BAG3: variants seen among roughly 807,000 people sequenced by gnomAD.
The protein encoded by BAG3 is BAG family molecular chaperone regulator 3.
BAG3 carries 14 observed loss-of-function variants against 40.5 expected under a neutral mutation model. That is an observed-to-expected ratio of 0.35 (90% CI 0.23 to 0.54). The LOEUF (loss-of-function observed/expected upper bound fraction) is 0.54, where lower values mean the gene tolerates loss of function less well. Ranked by LOEUF, BAG3 falls within the 20% of genes least tolerant of loss-of-function variation. The pLI is 0.91. For synonymous variants in BAG3, 302 were observed against 307.8 expected (o/e 0.98, Z 0.20); for missense variants, 788 against 758.6 (o/e 1.04, Z -0.46).
rs1485004397 is a variant in BAG3 at position 119,669,984 on chromosome 10, A to T, written c.314A>T (p.Asn105Ile). 1 of 1,614,190 alleles carries T rather than the reference A, an allele frequency of 6.2e-7. No homozygotes were observed. The highest frequency in any genetic ancestry group is 1.7e-5 in the Admixed American group (1 of 60,028). The change falls in exon 2 of 4, where the codon AAC becomes ATC. Residue 105 changes from asparagine to isoleucine, a missense_variant. Coordinates refer to ENST00000369085, the MANE Select transcript of BAG3 (RefSeq NM_004281.4). ...PIPVLHEGAE[N>I]RQVHPFHVYP... ...CCTGTGCTCCATGAAGGCGCTGAGA[A>T]CCGGCAGGTGCACCCTTTCCATGTC...
intron 1 of BAG3, among the ~76,000 whole-genome samples, chr10:119,664,578 C>T (rs150854052): frequency 2.8e-3 from 428 of 152,196 alleles, no homozygotes; most frequent in African/African-American, 9.9e-3. Context: ...GCTTGGTCAC[C>T]GTGGTTGCAT....
rs1480749856 is a variant in BAG3, at chr10:119,677,723, A to C, written c.*441A>C. 1 of 201,046 alleles carries C rather than the reference A, an allele frequency of 5.0e-6. No homozygotes were observed. The highest frequency in any genetic ancestry group is 1.0e-5 in the Non-Finnish European group (1 of 96,510). 12.5% of individuals were successfully genotyped at this position (201,046 alleles called of 1,614,324 possible). A position where few individuals can be genotyped will look rare whatever the true frequency, so the allele number is the denominator to read the frequency against. On this transcript the variant is annotated 3_prime_UTR_variant, in exon 4 of 4. Coordinates refer to ENST00000369085, the MANE Select transcript of BAG3 (RefSeq NM_004281.4). ...AATTAAAATACCTGACTTTAGAGAG[A>C]GTAAAATGTGCCAGGAGCCATAGGA...
At chr10:119,673,777 C>T (rs576331767) in intron 3 of BAG3, among the ~76,000 whole-genome samples, 2 of 152,350 alleles carry the variant, frequency 1.3e-5, no homozygotes, top group Middle Eastern at 3.4e-3. Context: ...TATACTTCAT[C>T]CAGTTCACTG....
In BAG3 at chr10:119,676,681, C is replaced by A. The variant is rs2134068908; in HGVS notation, c.1127C>A (p.Pro376His). 1.9e-6 allele frequency: 3 copies of A among 1,614,158 alleles called. No individual in the cohort carries two copies. Among genetic ancestry groups the A allele is most frequent in the Non-Finnish European group, 1.7e-6 (2 of 1,180,032 alleles). The change falls in exon 4 of 4, where the codon CCC (proline) becomes CAC (histidine). Residue 376 changes from proline to histidine, a missense_variant. Coordinates refer to ENST00000369085, the MANE Select transcript of BAG3 (RefSeq NM_004281.4). ...CCTGCTCCAGTTCCTTGTCCTCCTC[C>A]CAGCCCTGGCCCTTCTGCTGTCCCC... ...VPPAPVPCPP[P>H]SPGPSAVPSS...
chr10:119,670,077 C>T lies in BAG3; in HGVS notation c.407C>T (p.Ser136Leu). ...AAAAAPQRSQ[S>L]PLRGMPETTQ... is the part of the protein sequence containing the mutation. The stretch of plus-strand genomic sequence containing the variant: ...GCAGCGGCTCCTCAGAGGTCCCAGT[C>T]ACCTCTGCGGGGCATGCCAGAAACC... Residue 136 changes from serine (S) to leucine (L), a missense_variant, in exon 2 of 4, where the codon TCA becomes TTA. Transcript: ENST00000369085. The T allele has an allele frequency of 6.2e-7, 1 of 1,614,194 alleles. No individual in the cohort carries two copies. The highest frequency in any genetic ancestry group is 8.5e-7 in the Non-Finnish European group (1 of 1,180,032).
rs1362214797 is a variant in BAG3, at chr10:119,677,031, A to G, written c.1477A>G (p.Lys493Glu). ...GVRKVQTILEKLEQKAIDVPG... is the reference protein window; with the variant it reads ...GVRKVQTILEELEQKAIDVPG... ...CAGGAAGGTTCAGACCATCTTGGAA[A>G]AACTTGAACAGAAAGCCATTGATGT... Residue 493 changes from lysine to glutamate, a missense_variant, in exon 4 of 4, where the codon AAA becomes GAA. Coordinates refer to ENST00000369085, the MANE Select transcript of BAG3 (RefSeq NM_004281.4). The G allele has an allele frequency of 5.0e-6, 8 of 1,614,078 alleles. No homozygotes were observed. The highest frequency in any genetic ancestry group is 5.9e-6 in the Non-Finnish European group (7 of 1,180,044).
In BAG3 at chr10:119,672,081, G is replaced by A. The variant is rs993431532; in HGVS notation, c.508-174G>A. 1.3e-5 allele frequency among the ~76,000 whole-genome samples: 2 copies of A among 152,180 alleles called. No homozygotes were observed. Among genetic ancestry groups the A allele is most frequent in the East Asian group, 1.9e-4 (1 of 5,190 alleles). On this transcript the variant is annotated intron_variant, in intron 2 of 3. Coordinates refer to ENST00000369085, the MANE Select transcript of BAG3 (RefSeq NM_004281.4). The surrounding 1 kb of genome is among the most constrained non-coding windows in gnomAD (Gnocchi z 4.8). ...TGGGATTACAGGTGTGAGCCACCGC[G>A]CCCAGCCCCAGAGCTCTCAGTCTTA...
rs1046046838 is a variant in BAG3 at position 119,651,606 on chromosome 10, C to G, written c.-70C>G. The G allele has an allele frequency of 1.5e-6, 2 of 1,357,046 alleles. No homozygotes were observed. The highest frequency in any genetic ancestry group is 3.1e-5 in the African/African-American group (2 of 65,236). 84.1% of individuals were successfully genotyped at this position (1,357,046 alleles called of 1,614,324 possible). A position where few individuals can be genotyped will look rare whatever the true frequency, so the allele number is the denominator to read the frequency against. On this transcript the variant is annotated 5_prime_UTR_variant, in exon 1 of 4. Coordinates refer to ENST00000369085, the MANE Select transcript of BAG3 (RefSeq NM_004281.4). The stretch of plus-strand genomic sequence containing the variant: ...GCGGAGAGGGGCCCACGGCGGCGGC[C>G]CGGCCAGAGACTCGGCGCCCGGAGC...
chr10:119,651,479 G>C lies in BAG3; in HGVS notation c.-197G>C. Reference sequence around the variant, plus strand: ...TTTATCTCCTCCTTCCCCTCTGGCAGCGAGGAGGCTATTTCCAGACACTTC... The same window carrying C: ...TTTATCTCCTCCTTCCCCTCTGGCACCGAGGAGGCTATTTCCAGACACTTC... On this transcript the variant is annotated 5_prime_UTR_variant, in exon 1 of 4. Coordinates refer to ENST00000369085, the MANE Select transcript of BAG3 (RefSeq NM_004281.4). The C allele has an allele frequency of 2.2e-6, 1 of 453,034 alleles. No individual in the cohort carries two copies. The highest frequency in any genetic ancestry group is 3.8e-6 in the Non-Finnish European group (1 of 265,656). 28.1% of individuals were successfully genotyped at this position (453,034 alleles called of 1,614,324 possible).
At chr10:119,660,948 C>G (rs539166671) in intron 1 of BAG3, among the ~76,000 whole-genome samples, 20 of 152,228 alleles carry the variant, frequency 1.3e-4, no homozygotes, top group Non-Finnish European at 2.4e-4. Context: ...ACAAAATTAG[C>G]TGGGTGTGGT....
At chr10:119,669,827 G>A (rs1332234534) in intron 1 of BAG3, 24 bp from the exon 2 acceptor site, 2 of 1,609,122 alleles carry the variant, frequency 1.2e-6, no homozygotes, top group East Asian at 2.2e-5. Flanking sequence ...TAACCAGCCT[G>A]TGTTTCTCCA....
At chr10:119,664,497 G>A (rs1408687508) in intron 1 of BAG3, among the ~76,000 whole-genome samples, 1 of 152,158 alleles carries the variant, frequency 6.6e-6, no homozygotes, top group Admixed American at 6.5e-5. Context: ...GTCTTTAGCC[G>A]AGATAAGGAT....
At position 119,665,092 on chromosome 10, in the gene BAG3, T is replaced by TCTGTGTGTG. The variant is rs34372634; in HGVS notation, c.181-4759_181-4758insCTGTGTGTG. ...GCCACCACACACAGCTAATTTTTGT[T>TCTGTGTGTG]TGTGTGTGTGTGTGTGTGTGTGTGT... On this transcript the variant is annotated intron_variant, in intron 1 of 3. Transcript: ENST00000369085. Among the ~76,000 whole-genome samples, 85 of 87,986 alleles carry TCTGTGTGTG rather than the reference T, an allele frequency of 9.7e-4. 2 individuals carry two copies. The highest frequency in any genetic ancestry group is 1.4e-3 in the Non-Finnish European group (61 of 44,156). The allele number at this position is 87,986 out of a possible 152,430, so 57.7% of individuals were successfully genotyped here. A position where few individuals can be genotyped will look rare whatever the true frequency, so the allele number is the denominator to read the frequency against.
chr10:119,677,024 C>G lies in BAG3; in HGVS notation c.1470C>G (p.Ile490Met). 1 of 1,614,194 alleles carries G rather than the reference C, an allele frequency of 6.2e-7. No individual in the cohort carries two copies. The highest frequency in any genetic ancestry group is 1.1e-5 in the South Asian group (1 of 91,080). ...RRDGVRKVQT[I>M]LEKLEQKAID... ...ACGGTGTCAGGAAGGTTCAGACCAT[C>G]TTGGAAAAACTTGAACAGAAAGCCA... Residue 490 changes from isoleucine (I) to methionine (M), a missense_variant, in exon 4 of 4, where the codon ATC becomes ATG. Coordinates refer to ENST00000369085, the MANE Select transcript of BAG3 (RefSeq NM_004281.4).
intron 1 of BAG3, among the ~76,000 whole-genome samples, chr10:119,652,754 T>C (rs974959658): frequency 6.6e-6 from 1 of 152,236 alleles, no homozygotes; most frequent in Non-Finnish European, 1.5e-5. Context: ...AATGATACTC[T>C]TGTGAATACA....
intron 1 of BAG3, among the ~76,000 whole-genome samples, 183 bp from the exon 2 acceptor site, chr10:119,669,668 G>A (rs750314191): frequency 2.0e-5 from 3 of 152,190 alleles, no homozygotes; most frequent in Admixed American, 6.5e-5. Context: ...CTAAACTGTT[G>A]GCCAAATAGC....
intron 1 of BAG3, chr10:119,657,315 T>C: frequency 3.0e-6 from 1 of 331,972 alleles, no homozygotes; most frequent in Non-Finnish European, 6.0e-6. Context: ...AAGCAGGCTG[T>C]CTCTCTTCTG....
intron 1 of BAG3, among the ~76,000 whole-genome samples, chr10:119,660,950 G>A (rs1161396916): frequency 1.3e-5 from 2 of 152,178 alleles, no homozygotes; most frequent in Non-Finnish European, 2.9e-5. Flanking sequence ...AAAATTAGCT[G>A]GGTGTGGTGG....
chr10:119,664,403 A>G (rs781052260), intron 1 of BAG3, among the ~76,000 whole-genome samples: 6 of 152,218 alleles, frequency 3.9e-5, no homozygotes, highest in African/African-American at 9.6e-5. Context: ...ATAAATTAAT[A>G]TAGTGAGATA....
Sources: gnomAD v4.1 joint callset for allele counts (sites outside exome capture counted in the v4.1 genomes callset) on GRCh38, gnomAD v4.1.1 for gene constraint, Gnocchi (gnomAD v3.1) non-coding constraint, MANE v1.5 for transcripts, NCBI Gene and HGNC (gene_info 2026-07-23, HGNC 2026-07-21) for gene names.